The following DBT variants were observed in gnomAD, a reference collection of about 807,000 sequenced individuals.
DBT encodes the protein lipoamide acyltransferase component of branched-chain alpha-keto acid dehydrogenase complex, mitochondrial.
A neutral mutation model predicts 51.3 loss-of-function variants in DBT; 40 were observed. The ratio of observed to expected loss-of-function variants is 0.78; its 90% CI spans 0.61 to 1.02. The LOEUF (loss-of-function observed/expected upper bound fraction) is 1.02, where lower values mean the gene tolerates loss of function less well. DBT is among the 50% of genes least tolerant of loss of function. The pLI, the probability that DBT is intolerant of heterozygous loss-of-function variation, is 0.00. For missense variants in DBT, 510 were observed against 580.2 expected, an observed-to-expected ratio of 0.88 and a Z score of 1.24; for synonymous variants, 181 against 190.4, an observed-to-expected ratio of 0.95 and a Z score of 0.41.
chr1:100,201,010 G>A lies in DBT; in HGVS notation c.1282-4588C>T, dbSNP rs112738718. On this transcript the variant is annotated intron_variant, in intron 10 of 10. Transcript: ENST00000370132. The stretch of plus-strand genomic sequence containing the variant: ...ACCAGGACGCCTCTTCTCCTCCAAA[G>A]GATCACAACTCCTCGCCAGCAAGGG... Among the ~76,000 whole-genome samples the A allele has an allele frequency of 7.5e-3, 1,143 of 152,216 alleles. 19 individuals carry two copies. The highest frequency in any genetic ancestry group is 7.9e-3 in the Non-Finnish European group (538 of 68,028).
intron 3 of DBT, among the ~76,000 whole-genome samples, chr1:100,231,253 C>G (rs114183439): frequency 0.012 from 1,756 of 152,238 alleles, 35 homozygotes; most frequent in African/African-American, 0.041. Flanking sequence ...TTATATTACC[C>G]TTTTCCAAAC....
intron 4 of DBT, among the ~76,000 whole-genome samples, chr1:100,229,644 A>G (rs1211568089): frequency 6.6e-6 from 1 of 152,246 alleles, no homozygotes; most frequent in African/African-American, 2.4e-5. Context: ...CTGTAATTCA[A>G]TTAGACTTCT....
In DBT at chr1:100,196,431, GAAAAAAAAAAAAAAA is replaced by G. The variant is rs752915898; in HGVS notation, c.1282-24_1282-10del. ...TTAAATCGGGGAATGGCCTAGAAATGAAAAAAAAAAAAAAAAAAAAAAAAAAAAGAACAAAGAGTA... is the reference window on the plus strand; with the variant it reads ...TTAAATCGGGGAATGGCCTAGAAATGAAAAAAAAAAAAAGAACAAAGAGTA... On this transcript the variant is annotated splice_polypyrimidine_tract_variant and intron_variant, in intron 10 of 10. Transcript: ENST00000370132. The G allele has an allele frequency of 6.5e-5, 42 of 649,002 alleles. No homozygotes were observed. In the African/African-American group the frequency reaches 9.5e-4, roughly 15 times the overall value. 40.2% of individuals were successfully genotyped at this position (649,002 alleles called of 1,614,324 possible). A position where few individuals can be genotyped will look rare whatever the true frequency, so the allele number is the denominator to read the frequency against.
rs1660602180 is a variant in DBT at position 100,187,127 on chromosome 1, A to T, written c.*9128T>A. On this transcript the variant is annotated 3_prime_UTR_variant, in exon 11 of 11. Transcript: ENST00000370132. ...GTTACCATATTTTTTCCCATTGTGT[A>T]AAGATAGTTCTCATATGAAATATAT... The T allele has an allele frequency of 6.6e-6, 1 of 152,254 alleles. No individual in the cohort carries two copies. Among genetic ancestry groups the T allele is most frequent in the Non-Finnish European group, 1.5e-5 (1 of 68,044 alleles). The allele number at this position is 152,254 out of a possible 1,614,324, so 9.4% of individuals were successfully genotyped here. A position where few individuals can be genotyped will look rare whatever the true frequency, so the allele number is the denominator to read the frequency against.
chr1:100,233,228 A>T (rs1377829325), intron 3 of DBT, among the ~76,000 whole-genome samples: 1 of 152,210 alleles, frequency 6.6e-6, no homozygotes, highest in Non-Finnish European at 1.5e-5. Flanking sequence ...CAAGCAAGCT[A>T]GAGTGGCTAT....
intron 7 of DBT, chr1:100,213,245 G>T: frequency 8.4e-7 from 1 of 1,195,298 alleles, no homozygotes; most frequent in Non-Finnish European, 1.1e-6. Flanking sequence ...GCCACCCGGG[G>T]CGTGCGCCGC....
chr1:100,230,675 A>G, intron 4 of DBT, 58 bp downstream of exon 4: 1 of 1,139,810 alleles, frequency 8.8e-7, no homozygotes, highest in South Asian at 1.4e-5. Context: ...ATTGGGACCC[A>G]ATGACAAAAA....
intron 2 of DBT, among the ~76,000 whole-genome samples, chr1:100,238,604 T>C (rs1012026954): frequency 2.0e-5 from 3 of 152,070 alleles, no homozygotes; most frequent in Non-Finnish European, 4.4e-5. Context: ...CAGGTGATCC[T>C]CCTACCTCAG....
intron 1 of DBT, among the ~76,000 whole-genome samples, chr1:100,244,525 T>A (rs1016965593): frequency 3.9e-5 from 6 of 152,064 alleles, no homozygotes; most frequent in East Asian, 1.9e-4. Flanking sequence ...AGGATTTTTT[T>A]AAAAAAATAA....
rs1037170864 is a variant in DBT at position 100,213,280 on chromosome 1, G to A, written c.939+1537C>T. ...CGTCCCCGCCGGGGCCGACAGAGCC[G>A]AGCCGGGCCGCCATGGACCACAAGA... On this transcript the variant is annotated intron_variant, in intron 7 of 10. Transcript: ENST00000370132. 5.2e-5 allele frequency: 72 copies of A among 1,373,176 alleles called. 2 individuals carry two copies. The Admixed American group carries it at 6.1e-4, about 12-fold the overall frequency. The allele number at this position is 1,373,176 out of a possible 1,614,324, so 85.1% of individuals were successfully genotyped here.
At chr1:100,218,939 G>C (rs535085582) in intron 4 of DBT, among the ~76,000 whole-genome samples, 192 bp from the exon 5 acceptor site, 1 of 151,580 alleles carries the variant, frequency 6.6e-6, no homozygotes, top group African/African-American at 2.4e-5. Context: ...GAGTGGGGGG[G>C]GGGGTGTGTG....
At position 100,206,226 on chromosome 1, in the gene DBT, G is replaced by A. The variant is rs1557943876; in HGVS notation, c.1281+4C>T. The A allele has an allele frequency of 6.2e-7, 1 of 1,605,180 alleles. No individual in the cohort carries two copies. On this transcript the variant is annotated splice_donor_region_variant and intron_variant, in intron 10 of 10. Coordinates refer to ENST00000370132, the MANE Select transcript of DBT (RefSeq NM_001918.5). ...TCCATTTTTCAGTTATCTAATACAT[G>A]TACCTTAATTGATCCAAGGGCCCCA... is the stretch of plus-strand genomic sequence containing the variant.
chr1:100,203,615 C>G (rs544944473), intron 10 of DBT, among the ~76,000 whole-genome samples: 11 of 152,196 alleles, frequency 7.2e-5, no homozygotes, highest in Admixed American at 2.0e-4. Flanking sequence ...CCAGCATCAT[C>G]CTGATACCAA....
chr1:100,231,436 C>G (rs1328721943), intron 3 of DBT, among the ~76,000 whole-genome samples: 1 of 152,168 alleles, frequency 6.6e-6, no homozygotes, highest in Non-Finnish European at 1.5e-5. Flanking sequence ...TTTAGGTATA[C>G]TTTACAGGCT....
intron 10 of DBT, among the ~76,000 whole-genome samples, chr1:100,199,848 G>A (rs1382938752): frequency 6.6e-6 from 1 of 152,156 alleles, no homozygotes; most frequent in Non-Finnish European, 1.5e-5. Context: ...GTGCTGTGAG[G>A]GATGGTGCTA....
intron 10 of DBT, among the ~76,000 whole-genome samples, chr1:100,201,233 C>T (rs1661417932): frequency 6.6e-6 from 1 of 152,014 alleles, no homozygotes; most frequent in Admixed American, 6.6e-5. Flanking sequence ...GTGAAAAACA[C>T]AGCATGAGAA....
chr1:100,208,107 C>T (rs1661911390), intron 8 of DBT, among the ~76,000 whole-genome samples: 1 of 152,138 alleles, frequency 6.6e-6, no homozygotes, highest in Non-Finnish European at 1.5e-5. Context: ...TGCACTCCAG[C>T]CTGGGCCACA....
chr1:100,202,299 A>AT (rs1316191034), intron 10 of DBT, among the ~76,000 whole-genome samples: 2 of 152,208 alleles, frequency 1.3e-5, no homozygotes, highest in African/African-American at 2.4e-5. Flanking sequence ...ACCAACAAAG[A>AT]TAAAAAAAAG....
Position 100,187,861 on chromosome 1 carries a change from T to C in DBT, c.*8394A>G, listed in dbSNP as rs1056839481. On this transcript the variant is annotated 3_prime_UTR_variant, in exon 11 of 11. Transcript: ENST00000370132. ...TGTAAATGTGGAAGCTGTGACAAAT[T>C]TTTGTATTTAGAAAGTATGACAATC... 6.6e-6 allele frequency: 1 copy of C among 152,188 alleles called. No individual in the cohort carries two copies. The highest frequency in any genetic ancestry group is 1.5e-5 in the Non-Finnish European group (1 of 68,036). The allele number at this position is 152,188 out of a possible 1,614,324, so 9.4% of individuals were successfully genotyped here. A position where few individuals can be genotyped will look rare whatever the true frequency, so the allele number is the denominator to read the frequency against.
Sources: allele counts gnomAD v4.1 joint callset (sites outside exome capture counted in the v4.1 genomes callset), GRCh38; gene constraint gnomAD v4.1.1; transcripts MANE v1.5; gene names NCBI Gene and HGNC (gene_info 2026-07-23, HGNC 2026-07-21).